Variants in CBLN3 observed in about 807,000 individuals in gnomAD.
The protein encoded by CBLN3 is cerebellin-3.
In CBLN3, 14 loss-of-function variants were observed where a neutral mutation model predicts 17.4. The observed-to-expected ratio is 0.81, with a 90% confidence interval of 0.53 to 1.26. CBLN3 has a LOEUF of 1.26. CBLN3 is among the 50% of genes most tolerant of loss of function. The probability of loss-of-function intolerance (pLI) is 0.00; values close to 1 mark genes in which losing one functional copy is unlikely to be tolerated. For missense variants in CBLN3, 263 were observed against 268.5 expected, an observed-to-expected ratio of 0.98 and a Z score of 0.14; for synonymous variants, 129 against 117.4, an observed-to-expected ratio of 1.10 and a Z score of -0.64.
Position 24,428,382 on chromosome 14 carries a change from G to A in CBLN3, c.324C>T (p.Gly108=), listed in dbSNP as rs1244055057. The change falls in exon 2 of 3, where the codon GGC becomes GGT. Residue 108 remains glycine, a synonymous_variant. Transcript: ENST00000267406. ...CGAAGGAGCCAGAGGCCCGGTCAAA[G>A]CCACCGCCCTCGTTCACCAGGACCT... ...FDQVLVNEGG[G]FDRASGSFVA... The A allele has an allele frequency of 2.5e-6, 4 of 1,613,800 alleles. No homozygotes were observed. Among genetic ancestry groups the A allele is most frequent in the Non-Finnish European group, 3.4e-6 (4 of 1,179,932 alleles).
Position 24,427,647 on chromosome 14 carries a change from G to C in CBLN3, c.*142C>G. 1.3e-6 allele frequency: 1 copy of C among 777,656 alleles called. No individual in the cohort carries two copies. The highest frequency in any genetic ancestry group is 2.2e-6 in the Non-Finnish European group (1 of 459,528). 48.2% of individuals were successfully genotyped at this position (777,656 alleles called of 1,614,324 possible). ...CAGCTCTACTCTTCTCTTAAACTTG[G>C]GTGTTTGGCACAGGGTCCCATGCAA... On this transcript the variant is annotated 3_prime_UTR_variant, in exon 3 of 3. Transcript: ENST00000267406. This position sits in a 1 kb window ranked among gnomAD's most constrained non-coding sequence, Gnocchi z 4.4.
At position 24,427,772 on chromosome 14, in the gene CBLN3, T is replaced by C. The variant is rs755502123; in HGVS notation, c.*17A>G. On this transcript the variant is annotated 3_prime_UTR_variant, in exon 3 of 3. Transcript: ENST00000267406. The surrounding 1 kb of genome is among the most constrained non-coding windows in gnomAD (Gnocchi z 4.4). ...GTTGTCAGGGGCTGGATTCTTGTGCTTGAAAGACTTGGGTCCTCAGAGAGG... is the reference window on the plus strand; with the variant it reads ...GTTGTCAGGGGCTGGATTCTTGTGCCTGAAAGACTTGGGTCCTCAGAGAGG... The C allele has an allele frequency of 2.5e-6, 4 of 1,613,290 alleles. No individual in the cohort carries two copies. In the Admixed American group the frequency reaches 5.0e-5, roughly 20 times the overall value.
intron 1 of CBLN3, 118 bp from the exon 2 acceptor site, chr14:24,428,523 A>G (rs1381192602): frequency 3.2e-6 from 4 of 1,256,002 alleles, no homozygotes; most frequent in Non-Finnish European, 4.4e-6. Context: ...AGTAGGAGTG[A>G]ATAGGAGTGA....
rs1168306498 is a variant in CBLN3, at chr14:24,427,567, G to A, written c.*222C>T. The A allele has an allele frequency of 1.8e-6, 1 of 564,700 alleles. No individual in the cohort carries two copies. The highest frequency in any genetic ancestry group is 3.2e-6 in the Non-Finnish European group (1 of 316,194). 35.0% of individuals were successfully genotyped at this position (564,700 alleles called of 1,614,324 possible). A position where few individuals can be genotyped will look rare whatever the true frequency, so the allele number is the denominator to read the frequency against. On this transcript the variant is annotated 3_prime_UTR_variant, in exon 3 of 3. Transcript: ENST00000267406. The surrounding 1 kb of genome is among the most constrained non-coding windows in gnomAD (Gnocchi z 4.4). ...GCAGGCAGGAACAGATGCAGCAGGT[G>A]GCTGGGAGGGTAACTGGGGGTGGGT...
Position 24,427,416 on chromosome 14 carries a change from C to T in CBLN3, c.*373G>A. 1 of 230,378 alleles carries T rather than the reference C, an allele frequency of 4.3e-6. No individual in the cohort carries two copies. Among genetic ancestry groups the T allele is most frequent in the Non-Finnish European group, 8.7e-6 (1 of 115,516 alleles). 14.3% of individuals were successfully genotyped at this position (230,378 alleles called of 1,614,324 possible). A position where few individuals can be genotyped will look rare whatever the true frequency, so the allele number is the denominator to read the frequency against. On this transcript the variant is annotated 3_prime_UTR_variant, in exon 3 of 3. Coordinates refer to ENST00000267406, the MANE Select transcript of CBLN3 (RefSeq NM_001039771.3). The surrounding 1 kb of genome is among the most constrained non-coding windows in gnomAD (Gnocchi z 4.4). The stretch of plus-strand genomic sequence containing the variant: ...TGGGCTCCTGTGGGGGCCTGTCAGG[C>T]TCACCTGCGCCACCTGTCCCTGATC...
chr14:24,428,878 G>A lies in CBLN3; in HGVS notation c.177C>T (p.Pro59=), dbSNP rs768914584. 9 of 1,601,858 alleles carry A rather than the reference G, an allele frequency of 5.6e-6. No individual in the cohort carries two copies. The highest frequency in any genetic ancestry group is 5.4e-5 in the African/African-American group (4 of 74,462). ...GTGCCTCTCCCAGGGCTGCTCCCCC[G>A]GGCCCCCCTGCAGCAGCTCGGCCAG... ...CEPGRAAAGG[P]GGAALGEAPP... Residue 59 remains proline, a synonymous_variant, in exon 1 of 3, where the codon CCC becomes CCT. Coordinates refer to ENST00000267406, the MANE Select transcript of CBLN3 (RefSeq NM_001039771.3).
chr14:24,427,589 G>C lies in CBLN3; in HGVS notation c.*200C>G. 1 of 589,584 alleles carries C rather than the reference G, an allele frequency of 1.7e-6. No homozygotes were observed. The highest frequency in any genetic ancestry group is 2.9e-5 in the East Asian group (1 of 34,934). The allele number at this position is 589,584 out of a possible 1,614,324, so 36.5% of individuals were successfully genotyped here. A position where few individuals can be genotyped will look rare whatever the true frequency, so the allele number is the denominator to read the frequency against. ...GGTGGCTGGGAGGGTAACTGGGGGT[G>C]GGTGGGTGGAAAGGCCTGGTCTGGA... On this transcript the variant is annotated 3_prime_UTR_variant, in exon 3 of 3. Coordinates refer to ENST00000267406, the MANE Select transcript of CBLN3 (RefSeq NM_001039771.3). This position sits in a 1 kb window ranked among gnomAD's most constrained non-coding sequence, Gnocchi z 4.4.
In CBLN3 at chr14:24,428,425, C is replaced by A. The variant is rs2043046915; in HGVS notation, c.301-20G>T. On this transcript the variant is annotated intron_variant, in intron 1 of 2. Transcript: ENST00000267406. ...CAGGACCTGGGGGAAGCAGAGCCTG[C>A]TGAGTGGGGCTCAGGAAATGCCCAT... 1 of 1,612,960 alleles carries A rather than the reference C, an allele frequency of 6.2e-7. No individual in the cohort carries two copies. The highest frequency in any genetic ancestry group is 8.5e-7 in the Non-Finnish European group (1 of 1,179,512).
rs1444295265 is a variant in CBLN3, at chr14:24,427,979, A to G, written c.428T>C (p.Leu143Pro). ...VYNRQTVQVS[L>P]MLNTWPVISA... ...GATGACAGGCCACGTGTTCAGCATC[A>G]GGCTCACCTGGGGAGGGGAGCCCAG... Residue 143 changes from leucine to proline, a missense_variant, in exon 3 of 3, where the codon CTG becomes CCG. Leu to Pro is a moderately conservative substitution (Grantham distance 98). Transcript: ENST00000267406. This position sits in a 1 kb window ranked among gnomAD's most constrained non-coding sequence, Gnocchi z 4.4. 1.9e-5 allele frequency: 31 copies of G among 1,613,284 alleles called. No homozygotes were observed. The highest frequency in any genetic ancestry group is 2.5e-5 in the Non-Finnish European group (30 of 1,179,734).
Position 24,427,256 on chromosome 14 carries a change from C to T in CBLN3, c.*533G>A, listed in dbSNP as rs2043029252. ...GCCACAGACTCCAGGCCCTTCCCAC[C>T]CTTCTGCCTGTGGCTGAGCCTCCCA... On this transcript the variant is annotated 3_prime_UTR_variant, in exon 3 of 3. Transcript: ENST00000267406. This position sits in a 1 kb window ranked among gnomAD's most constrained non-coding sequence, Gnocchi z 4.4. The T allele has an allele frequency of 6.1e-6, 1 of 164,010 alleles. No individual in the cohort carries two copies. The highest frequency in any genetic ancestry group is 1.6e-4 in the South Asian group (1 of 6,190). 10.2% of individuals were successfully genotyped at this position (164,010 alleles called of 1,614,324 possible).
In CBLN3 at chr14:24,429,423, G is replaced by C; in HGVS notation, c.-369C>G. 1.9e-6 allele frequency: 1 copy of C among 536,920 alleles called. No individual in the cohort carries two copies. The highest frequency in any genetic ancestry group is 3.6e-6 in the Non-Finnish European group (1 of 280,054). The allele number at this position is 536,920 out of a possible 1,614,324, so 33.3% of individuals were successfully genotyped here. A position where few individuals can be genotyped will look rare whatever the true frequency, so the allele number is the denominator to read the frequency against. ...GGAGAACATGGTATGTGTGTGTGACGGGTGTGACAGAATGTGTGAGTGTGT... is the reference window on the plus strand; with the variant it reads ...GGAGAACATGGTATGTGTGTGTGACCGGTGTGACAGAATGTGTGAGTGTGT... On this transcript the variant is annotated 5_prime_UTR_variant, in exon 1 of 3. Coordinates refer to ENST00000267406, the MANE Select transcript of CBLN3 (RefSeq NM_001039771.3).
rs200467816 is a variant in CBLN3, at chr14:24,428,877, C to G, written c.178G>C (p.Gly60Arg). Residue 60 changes from glycine (G) to arginine (R), a missense_variant, in exon 1 of 3, where the codon GGG (glycine) becomes CGG (arginine). Coordinates refer to ENST00000267406, the MANE Select transcript of CBLN3 (RefSeq NM_001039771.3). ...EPGRAAAGGP[G>R]GAALGEAPPG... The stretch of plus-strand genomic sequence containing the variant: ...GGTGCCTCTCCCAGGGCTGCTCCCC[C>G]GGGCCCCCCTGCAGCAGCTCGGCCA... 160 of 1,603,426 alleles carry G rather than the reference C, an allele frequency of 1.0e-4. No homozygotes were observed. The highest frequency in any genetic ancestry group is 1.1e-4 in the East Asian group (5 of 44,096).
In CBLN3 at chr14:24,427,488, C is replaced by T. The variant is rs997013601; in HGVS notation, c.*301G>A. On this transcript the variant is annotated 3_prime_UTR_variant, in exon 3 of 3. Transcript: ENST00000267406. This position sits in a 1 kb window ranked among gnomAD's most constrained non-coding sequence, Gnocchi z 4.4. Reference sequence around the variant, plus strand: ...GTGGGGGAACCGGAGGAGCAGAGGCCGCAAAGTAGTGCAGATCTTCCTTCT... The same window carrying T: ...GTGGGGGAACCGGAGGAGCAGAGGCTGCAAAGTAGTGCAGATCTTCCTTCT... 20 of 360,314 alleles carry T rather than the reference C, an allele frequency of 5.6e-5. No homozygotes were observed. Among genetic ancestry groups the T allele is most frequent in the African/African-American group, 1.5e-4 (7 of 47,144 alleles). 22.3% of individuals were successfully genotyped at this position (360,314 alleles called of 1,614,324 possible). A position where few individuals can be genotyped will look rare whatever the true frequency, so the allele number is the denominator to read the frequency against.
rs753382708 is a variant in CBLN3 at position 24,428,919 on chromosome 14, G to A, written c.136C>T (p.Leu46=). The A allele has an allele frequency of 4.5e-6, 7 of 1,565,022 alleles. No homozygotes were observed. ...GCTCGGCCAGGCTCACAGACCACCA[G>A]GCACTCCCCCTCCAGCAGGACGGGC... ...SEPVLLEGEC[L]VVCEPGRAAA... The change falls in exon 1 of 3, where the codon CTG becomes TTG. Residue 46 remains leucine (L), a synonymous_variant. Transcript: ENST00000267406.
intron 1 of CBLN3, 68 bp downstream of exon 1, chr14:24,428,687 C>T: frequency 6.7e-7 from 1 of 1,494,722 alleles, no homozygotes. Flanking sequence ...GCAAAGTGGG[C>T]TTGGACAGTT....
chr14:24,428,629 A>G (rs1594749482), intron 1 of CBLN3, 126 bp downstream of exon 1: 2 of 1,200,396 alleles, frequency 1.7e-6, no homozygotes, highest in East Asian at 2.4e-5. Flanking sequence ...GCAATAGGCC[A>G]GATTAGTGAA....
At position 24,428,178 on chromosome 14, in the gene CBLN3, C is replaced by A. The variant is rs1245953772; in HGVS notation, c.420+108G>T. On this transcript the variant is annotated intron_variant, in intron 2 of 2. Coordinates refer to ENST00000267406, the MANE Select transcript of CBLN3 (RefSeq NM_001039771.3). ...AGGCCCATTCCTCCCCTGGTCCTGG[C>A]CTCCAGGACACAGGTCAATGGAGAG... is the stretch of plus-strand genomic sequence containing the variant. 5.5e-6 allele frequency: 8 copies of A among 1,459,484 alleles called. No individual in the cohort carries two copies. The Admixed American group carries it at 1.1e-4, about 21-fold the overall frequency. The allele number at this position is 1,459,484 out of a possible 1,614,324, so 90.4% of individuals were successfully genotyped here.
Position 24,428,316 on chromosome 14 carries a change from C to T in CBLN3, c.390G>A (p.Val130=), listed in dbSNP as rs1345479929. ...CAGTTTGGCGGTTGTACACCTTCAC[C>T]ACATGGAACCGGAAGCTGTAGACAC... ...VRGVYSFRFH[V]VKVYNRQTVQ... Residue 130 remains valine, a synonymous_variant, in exon 2 of 3, where the codon GTG becomes GTA. Transcript: ENST00000267406. 1.9e-6 allele frequency: 3 copies of T among 1,613,788 alleles called. No homozygotes were observed. Among genetic ancestry groups the T allele is most frequent in the East Asian group, 4.5e-5 (2 of 44,864 alleles).
In CBLN3 at chr14:24,427,483, G is replaced by C. The variant is rs368424243; in HGVS notation, c.*306C>G. 273 of 345,446 alleles carry C rather than the reference G, an allele frequency of 7.9e-4. No homozygotes were observed. The highest frequency in any genetic ancestry group is 5.5e-3 in the African/African-American group (259 of 47,248). 21.4% of individuals were successfully genotyped at this position (345,446 alleles called of 1,614,324 possible). A position where few individuals can be genotyped will look rare whatever the true frequency, so the allele number is the denominator to read the frequency against. On this transcript the variant is annotated 3_prime_UTR_variant, in exon 3 of 3. Coordinates refer to ENST00000267406, the MANE Select transcript of CBLN3 (RefSeq NM_001039771.3). The surrounding 1 kb of genome is among the most constrained non-coding windows in gnomAD (Gnocchi z 4.4). Reference sequence around the variant, plus strand: ...CTGGGGTGGGGGAACCGGAGGAGCAGAGGCCGCAAAGTAGTGCAGATCTTC... The same window carrying C: ...CTGGGGTGGGGGAACCGGAGGAGCACAGGCCGCAAAGTAGTGCAGATCTTC...
Sources: allele counts gnomAD v4.1 joint callset, GRCh38; gene constraint gnomAD v4.1.1; non-coding constraint Gnocchi (gnomAD v3.1); transcripts MANE v1.5; gene names NCBI Gene and HGNC (gene_info 2026-07-23, HGNC 2026-07-21).